The following PTPRO variants were observed in gnomAD, a reference collection of about 807,000 sequenced individuals.
PTPRO encodes receptor-type tyrosine-protein phosphatase O.
PTPRO carries 62 observed loss-of-function variants against 145.2 expected under a neutral mutation model. The ratio of observed to expected loss-of-function variants is 0.43; its 90% CI spans 0.35 to 0.53. The LOEUF is 0.53. PTPRO is among the 20% of genes least tolerant of loss of function. The pLI, the probability that PTPRO is intolerant of heterozygous loss-of-function variation, is 0.01. For synonymous variants in PTPRO, 565 were observed against 514.7 expected (o/e 1.10, Z -1.32); for missense variants, 1,345 against 1,482.7 (o/e 0.91, Z 1.53).
At chr12:15,429,607 A>G (rs1940377778) in intron 1 of PTPRO, among the ~76,000 whole-genome samples, 1 of 152,308 alleles carries the variant, frequency 6.6e-6, no homozygotes, top group Non-Finnish European at 1.5e-5. Context: ...GGAGGAAAAC[A>G]GGAGAAAATG....
At chr12:15,347,835 G>GA (rs1260593264) in intron 1 of PTPRO, among the ~76,000 whole-genome samples, 4 of 152,046 alleles carry the variant, frequency 2.6e-5, no homozygotes, top group Admixed American at 2.6e-4. Flanking sequence ...CAGAGATCTA[G>GA]AAAAAATAAC....
At chr12:15,520,107 A>G in intron 9 of PTPRO, 94 bp from the exon 10 acceptor site, 1 of 787,470 alleles carries the variant, frequency 1.3e-6, no homozygotes, top group Admixed American at 1.9e-5. Flanking sequence ...GGAAAATTAA[A>G]ATTACTTATT....
chr12:15,342,536 G>A (rs11836121), intron 1 of PTPRO, among the ~76,000 whole-genome samples: 37,512 of 151,968 alleles, frequency 0.25, 4,864 homozygotes, highest in Non-Finnish European at 0.29. Context: ...CATATTTATA[G>A]TAATAACTCC....
intron 7 of PTPRO, among the ~76,000 whole-genome samples, chr12:15,510,893 G>A (rs1293662815): frequency 1.3e-5 from 2 of 151,254 alleles, no homozygotes; most frequent in South Asian, 2.1e-4. Context: ...ATATACAGGT[G>A]CAGTGGCTCA....
intron 24 of PTPRO, among the ~76,000 whole-genome samples, chr12:15,588,388 C>A (rs1402017678): frequency 1.3e-5 from 2 of 152,106 alleles, no homozygotes; most frequent in African/African-American, 4.8e-5. Context: ...AAGCTAAGAG[C>A]CATTTGACTC....
intron 17 of PTPRO, among the ~76,000 whole-genome samples, chr12:15,560,749 A>G (rs986881274): frequency 6.6e-6 from 1 of 152,048 alleles, no homozygotes. Context: ...GCCTCTTTGT[A>G]TGATTATCTG....
chr12:15,424,612 C>T (rs1458342241), intron 1 of PTPRO, among the ~76,000 whole-genome samples: 1 of 151,936 alleles, frequency 6.6e-6, no homozygotes, highest in East Asian at 1.9e-4. Flanking sequence ...CTGATGTATA[C>T]ACAAACAAAT....
At chr12:15,466,544 T>C (rs1489364285) in intron 1 of PTPRO, among the ~76,000 whole-genome samples, 1 of 152,202 alleles carries the variant, frequency 6.6e-6, no homozygotes, top group Non-Finnish European at 1.5e-5. Flanking sequence ...TTCCTAGTAA[T>C]ATGCATTAAA....
chr12:15,436,217 C>G (rs977092538), intron 1 of PTPRO, among the ~76,000 whole-genome samples: 1 of 152,058 alleles, frequency 6.6e-6, no homozygotes, highest in Non-Finnish European at 1.5e-5. Context: ...ATTAAAAGAA[C>G]TAGAGAAGCA....
In PTPRO at chr12:15,596,301, A is replaced by G. The variant is rs573100775; in HGVS notation, c.*228A>G. ...GGACATTTAATAATGGACCAAATTCAACAGAACACCAGGAAGGTCAAGACG... is the reference window on the plus strand; with the variant it reads ...GGACATTTAATAATGGACCAAATTCGACAGAACACCAGGAAGGTCAAGACG... On this transcript the variant is annotated 3_prime_UTR_variant, in exon 27 of 27. Transcript: ENST00000281171. 1 of 152,730 alleles carries G rather than the reference A, an allele frequency of 6.5e-6. No homozygotes were observed. The highest frequency in any genetic ancestry group is 1.9e-4 in the East Asian group (1 of 5,190). The allele number at this position is 152,730 out of a possible 1,614,324, so 9.5% of individuals were successfully genotyped here. A position where few individuals can be genotyped will look rare whatever the true frequency, so the allele number is the denominator to read the frequency against.
intron 12 of PTPRO, among the ~76,000 whole-genome samples, chr12:15,527,878 C>CGCCCACCACCCCCCT (rs1565686257): frequency 4.6e-5 from 7 of 150,692 alleles, no homozygotes; most frequent in Admixed American, 1.3e-4. Flanking sequence ...AACTGTGACC[C>CGCCCACCACCCCCCT]GCCCACGCTA....
intron 12 of PTPRO, among the ~76,000 whole-genome samples, chr12:15,533,064 C>T (rs934200324): frequency 6.6e-6 from 1 of 152,084 alleles, no homozygotes; most frequent in Non-Finnish European, 1.5e-5. Context: ...GAATATGAGT[C>T]AAAGTCATGA....
intron 1 of PTPRO, among the ~76,000 whole-genome samples, chr12:15,451,307 A>G (rs1279247004): frequency 6.6e-6 from 1 of 152,110 alleles, no homozygotes; most frequent in Non-Finnish European, 1.5e-5. Context: ...ACATATATAT[A>G]TATATGCACC....
intron 1 of PTPRO, among the ~76,000 whole-genome samples, chr12:15,359,134 T>A (rs1162772670): frequency 6.6e-6 from 1 of 152,222 alleles, no homozygotes; most frequent in South Asian, 2.1e-4. Context: ...CACCTTGTAT[T>A]TTCCAGATGA....
chr12:15,575,656 A>G (rs762164366), intron 19 of PTPRO, among the ~76,000 whole-genome samples: 1 of 152,228 alleles, frequency 6.6e-6, no homozygotes, highest in Non-Finnish European at 1.5e-5. Context: ...GGGTGACCGT[A>G]TTAGTTCCTA....
At chr12:15,357,874 T>G (rs1157404672) in intron 1 of PTPRO, among the ~76,000 whole-genome samples, 1 of 149,680 alleles carries the variant, frequency 6.7e-6, no homozygotes, top group Non-Finnish European at 1.5e-5. Context: ...GACCCAGCCA[T>G]CCCATTACTG....
At chr12:15,589,991 C>T (rs992288131) in intron 25 of PTPRO, among the ~76,000 whole-genome samples, 2 of 152,102 alleles carry the variant, frequency 1.3e-5, no homozygotes, top group African/African-American at 4.8e-5. Flanking sequence ...GTTTATCCTC[C>T]GTGTGACTCT....
chr12:15,516,518 A>AAAAG (rs1565678613), intron 8 of PTPRO, among the ~76,000 whole-genome samples: 12 of 135,098 alleles, frequency 8.9e-5, no homozygotes, highest in Non-Finnish European at 1.4e-4. Context: ...AGAAAGAAAG[A>AAAAG]AAAAGAAAAG....
chr12:15,419,918 T>C (rs1423391410), intron 1 of PTPRO, among the ~76,000 whole-genome samples: 1 of 150,068 alleles, frequency 6.7e-6, no homozygotes, highest in Non-Finnish European at 1.5e-5. Context: ...GAGGCTGAGG[T>C]GGGTGGATCA....
Sources: allele counts gnomAD v4.1 joint callset (sites outside exome capture counted in the v4.1 genomes callset), GRCh38; gene constraint gnomAD v4.1.1; transcripts MANE v1.5; gene names NCBI Gene and HGNC (gene_info 2026-07-23, HGNC 2026-07-21).